The following EHBP1 variants were observed in gnomAD, a reference collection of about 807,000 sequenced individuals.
EHBP1 encodes the protein EH domain binding protein 1.
In EHBP1, 55 loss-of-function variants were observed where a neutral mutation model predicts 144.0. The observed-to-expected ratio is 0.38, with a 90% CI of 0.31 to 0.48. EHBP1 has a LOEUF of 0.48. EHBP1 is among the 20% of genes least tolerant of loss of function. The pLI is 0.98. For synonymous variants in EHBP1, 469 were observed against 472.7 expected (o/e 0.99, Z 0.10); for missense variants, 1,200 against 1,364.2 (o/e 0.88, Z 1.90).
chr2:62,873,219 C>T (rs1268324416), intron 9 of EHBP1, among the ~76,000 whole-genome samples: 1 of 152,036 alleles, frequency 6.6e-6, no homozygotes, highest in African/African-American at 2.4e-5. Context: ...TAGGATTATA[C>T]ATGCAAGAAC....
At chr2:62,874,188 C>A (rs1350318098) in intron 9 of EHBP1, among the ~76,000 whole-genome samples, 158 bp from the exon 10 acceptor site, 1 of 151,880 alleles carries the variant, frequency 6.6e-6, no homozygotes. Flanking sequence ...AGAAATGGAC[C>A]AAAAGATTAA....
At chr2:62,770,479 G>C (rs988941394) in intron 4 of EHBP1, among the ~76,000 whole-genome samples, 3 of 152,214 alleles carry the variant, frequency 2.0e-5, no homozygotes, top group African/African-American at 7.2e-5. Flanking sequence ...ACACCAGTCA[G>C]AGTGGCTATT....
At chr2:62,941,954 A>T (rs2056779619) in intron 10 of EHBP1, among the ~76,000 whole-genome samples, 1 of 152,112 alleles carries the variant, frequency 6.6e-6, no homozygotes, top group Non-Finnish European at 1.5e-5. Flanking sequence ...GTTAATATAT[A>T]ATCTTAGGTT....
At chr2:62,908,997 T>C (rs2054001435) in intron 10 of EHBP1, among the ~76,000 whole-genome samples, 1 of 152,222 alleles carries the variant, frequency 6.6e-6, no homozygotes, top group African/African-American at 2.4e-5. Context: ...AAATCAAATA[T>C]TTAACTCAAA....
At chr2:62,867,734 A>G (rs759019286) in intron 9 of EHBP1, among the ~76,000 whole-genome samples, 3 of 152,198 alleles carry the variant, frequency 2.0e-5, no homozygotes, top group South Asian at 4.1e-4. Flanking sequence ...TGGAAATGAA[A>G]GGGACTTAGA....
chr2:62,690,071 A>G (rs2033851434), intron 1 of EHBP1, among the ~76,000 whole-genome samples: 1 of 152,224 alleles, frequency 6.6e-6, no homozygotes, highest in South Asian at 2.1e-4. Context: ...AGTTTCAGGC[A>G]GACCTGCTGA....
Position 62,826,131 on chromosome 2 carries a change from C to A in EHBP1, c.357C>A (p.Ile119=). The change falls in exon 6 of 23, where the codon ATC becomes ATA. Residue 119 remains isoleucine (I), a synonymous_variant. Coordinates refer to ENST00000431489, the MANE Select transcript of EHBP1 (RefSeq NM_001142616.3). ...GRRKALATSS[I]NMKQYASPMP... ...GGAAAGCTCTTGCTACTAGCAGCAT[C>A]AATATGAAACAGTATGCAAGCCCTA... 6.5e-7 allele frequency: 1 copy of A among 1,547,728 alleles called. No homozygotes were observed. Among genetic ancestry groups the A allele is most frequent in the Non-Finnish European group, 8.7e-7 (1 of 1,147,854 alleles).
chr2:62,886,189 G>A (rs567926431), intron 10 of EHBP1, among the ~76,000 whole-genome samples: 1 of 152,222 alleles, frequency 6.6e-6, no homozygotes, highest in Non-Finnish European at 1.5e-5. Context: ...GTAAAACTGT[G>A]CAGAATGGTG....
At chr2:62,826,037 G>T in intron 5 of EHBP1, 50 bp from the exon 6 acceptor site, 1 of 1,308,428 alleles carries the variant, frequency 7.6e-7, no homozygotes, top group Non-Finnish European at 1.0e-6. Context: ...AAAATGTTTG[G>T]CTATAAAATA....
At chr2:62,684,472 G>A (rs1170263931) in intron 1 of EHBP1, among the ~76,000 whole-genome samples, 2 of 152,174 alleles carry the variant, frequency 1.3e-5, no homozygotes, top group Non-Finnish European at 2.9e-5. Flanking sequence ...AAAAGCCAAA[G>A]TGGGAAAAAC....
intron 10 of EHBP1, among the ~76,000 whole-genome samples, chr2:62,907,669 CA>C (rs1309371260): frequency 6.6e-6 from 1 of 152,180 alleles, no homozygotes; most frequent in African/African-American, 2.4e-5. Context: ...AATTACTTTC[CA>C]AAAACTATCT....
chr2:62,962,508 A>G (rs896408735), intron 14 of EHBP1, among the ~76,000 whole-genome samples: 1 of 152,210 alleles, frequency 6.6e-6, no homozygotes, highest in African/African-American at 2.4e-5. Context: ...GCTTAAGTTT[A>G]GAATTCATAC....
chr2:62,908,138 G>A (rs926133012), intron 10 of EHBP1, among the ~76,000 whole-genome samples: 1 of 152,006 alleles, frequency 6.6e-6, no homozygotes, highest in Non-Finnish European at 1.5e-5. Flanking sequence ...CTATAATAGC[G>A]GTATTTAGGT....
At chr2:62,855,773 C>G (rs897847707) in intron 7 of EHBP1, among the ~76,000 whole-genome samples, 3 of 152,144 alleles carry the variant, frequency 2.0e-5, no homozygotes, top group African/African-American at 7.2e-5. Flanking sequence ...TCCAGGACCT[C>G]TACTCTGCTG....
At position 62,699,211 on chromosome 2, in the gene EHBP1, G is replaced by T. The variant is rs538711783; in HGVS notation, c.-295-7686G>T. On this transcript the variant is annotated intron_variant, in intron 1 of 22. Transcript: ENST00000405015. ...ATTCAGAGGAAAACACTGGCTGGAT[G>T]CTGTATCTGGTTACCTGGATTTTTT... is the stretch of plus-strand genomic sequence containing the variant. Among the ~76,000 whole-genome samples, 13 of 152,316 alleles carry T rather than the reference G, an allele frequency of 8.5e-5. No homozygotes were observed. In the East Asian group the frequency reaches 9.6e-4, roughly 11 times the overall value.
At chr2:62,687,160 T>C (rs376770395) in intron 1 of EHBP1, among the ~76,000 whole-genome samples, 36 of 152,362 alleles carry the variant, frequency 2.4e-4, no homozygotes, top group African/African-American at 8.7e-4. Context: ...ACAGGAGGAT[T>C]GAATTAAATA....
intron 10 of EHBP1, among the ~76,000 whole-genome samples, chr2:62,926,850 A>G (rs1466322154): frequency 6.6e-6 from 1 of 152,164 alleles, no homozygotes; most frequent in African/African-American, 2.4e-5. Flanking sequence ...GTATTTATCC[A>G]CAGAGAAATA....
intron 7 of EHBP1, among the ~76,000 whole-genome samples, chr2:62,853,783 C>T (rs2048843253): frequency 6.6e-6 from 1 of 152,228 alleles, no homozygotes; most frequent in Non-Finnish European, 1.5e-5. Context: ...ATCACCTGTA[C>T]ATCTCCATCA....
rs1381902335 is a variant in EHBP1, at chr2:62,798,666, G to GT, written c.312+27282dup. Among the ~76,000 whole-genome samples, 6 of 151,966 alleles carry GT rather than the reference G, an allele frequency of 3.9e-5. No individual in the cohort carries two copies. In the East Asian group the frequency reaches 7.7e-4, roughly 20 times the overall value. ...ATGGTAAATTGTCATTGTAATTTGT[G>GT]TTTTTTTTATCTGACTTAAGCAGTA... On this transcript the variant is annotated intron_variant, in intron 5 of 22. Transcript: ENST00000431489.
Sources: gnomAD v4.1 joint callset for allele counts (sites outside exome capture counted in the v4.1 genomes callset) on GRCh38, gnomAD v4.1.1 for gene constraint, MANE v1.5 for transcripts, NCBI Gene and HGNC (gene_info 2026-07-23, HGNC 2026-07-21) for gene names.